The following ZNF704 variants were observed in gnomAD, a reference collection of about 807,000 sequenced individuals.
ZNF704 encodes the protein glucocorticoid induced gene 1.
Under a neutral mutation model 44.7 loss-of-function variants are expected in ZNF704, and 10 were observed. That is an observed-to-expected ratio of 0.22 (90% CI 0.14 to 0.38). ZNF704 has a LOEUF of 0.38. Among genes scored for constraint, ZNF704 ranks in the 10% least tolerant of loss-of-function variants. The probability of loss-of-function intolerance (pLI) is 1.00; values close to 1 mark genes in which losing one functional copy is unlikely to be tolerated. For missense variants in ZNF704, 390 were observed against 545.5 expected (o/e 0.71, Z 2.84); for synonymous variants, 211 against 207.6 (o/e 1.02, Z -0.14).
intron 7 of ZNF704, among the ~76,000 whole-genome samples, chr8:80,659,123 T>C (rs1818058868): frequency 6.6e-6 from 1 of 152,242 alleles, no homozygotes; most frequent in Non-Finnish European, 1.5e-5. Context: ...AGATTATCCA[T>C]CAGCATGGAT....
chr8:80,692,980 C>A (rs1248571439), intron 3 of ZNF704, 24 bp downstream of exon 3: 1 of 1,610,472 alleles, frequency 6.2e-7, no homozygotes, highest in Non-Finnish European at 8.5e-7. Context: ...GGGCCCTTCC[C>A]TAAGTCCCAT....
rs193039727 is a variant in ZNF704, at chr8:80,718,963, C to G, written c.222-25856G>C. Among the ~76,000 whole-genome samples the G allele has an allele frequency of 2.2e-3, 315 of 141,910 alleles. 4 individuals carry two copies. Among genetic ancestry groups the G allele is most frequent in the Admixed American group, 0.018 (272 of 14,952 alleles). The allele number at this position is 141,910 out of a possible 152,430, so 93.1% of individuals were successfully genotyped here. A position where few individuals can be genotyped will look rare whatever the true frequency, so the allele number is the denominator to read the frequency against. ...TTTCTTGCACAGAGTGAGCACTCTA[C>G]ATTTTTTTTCTTTTTTTTTGAGACA... On this transcript the variant is annotated intron_variant, in intron 2 of 8. Coordinates refer to ENST00000327835, the MANE Select transcript of ZNF704 (RefSeq NM_001033723.3).
intron 1 of ZNF704, among the ~76,000 whole-genome samples, chr8:80,828,422 A>G (rs1330158481): frequency 6.6e-6 from 1 of 152,192 alleles, no homozygotes; most frequent in East Asian, 1.9e-4. Flanking sequence ...AAAACCAGTT[A>G]AAGTCCTATT....
At chr8:80,740,045 C>T (rs1227918165) in intron 2 of ZNF704, among the ~76,000 whole-genome samples, 3 of 152,170 alleles carry the variant, frequency 2.0e-5, no homozygotes, top group African/African-American at 7.2e-5. Context: ...CTGGCACGAC[C>T]TTCTCAGTTT....
intron 2 of ZNF704, among the ~76,000 whole-genome samples, chr8:80,720,127 C>A (rs1167870475): frequency 1.3e-5 from 2 of 152,220 alleles, no homozygotes; most frequent in African/African-American, 4.8e-5. Context: ...CTTCCCACTG[C>A]ATTCCCCCTG....
chr8:80,754,473 A>T (rs1807001925), intron 2 of ZNF704, among the ~76,000 whole-genome samples: 2 of 152,240 alleles, frequency 1.3e-5, no homozygotes, highest in African/African-American at 4.8e-5. Flanking sequence ...ATTTCTTAAA[A>T]TTACGAAATG....
intron 6 of ZNF704, among the ~76,000 whole-genome samples, chr8:80,663,586 G>A (rs1269421880): frequency 6.6e-6 from 1 of 152,092 alleles, no homozygotes; most frequent in Admixed American, 6.5e-5. Flanking sequence ...GTTCCCAGGT[G>A]ATGCTGGCAC....
rs73268642 is a variant in ZNF704, at chr8:80,758,481, A to G, written c.221+62893T>C. On this transcript the variant is annotated intron_variant, in intron 2 of 8. Transcript: ENST00000327835. The stretch of plus-strand genomic sequence containing the variant: ...ATACCTCCCTCCTTCTTTGAAAAAA[A>G]CCAACAATGGTTTTGTAGATCTGTT... 4.5e-3 allele frequency among the ~76,000 whole-genome samples: 689 copies of G among 152,344 alleles called. 4 individuals carry two copies. The highest frequency in any genetic ancestry group is 0.015 in the African/African-American group (627 of 41,584).
intron 2 of ZNF704, among the ~76,000 whole-genome samples, chr8:80,699,333 G>A (rs771275942): frequency 1.3e-4 from 19 of 151,894 alleles, no homozygotes; most frequent in Non-Finnish European, 2.2e-4. Context: ...TAACTCTTCC[G>A]AATTAATTTT....
rs150996597 is a variant in ZNF704 at position 80,868,189 on chromosome 8, C to T, written c.-22+6382G>A. 6.4e-3 allele frequency among the ~76,000 whole-genome samples: 972 copies of T among 152,250 alleles called. 12 individuals carry two copies. Among genetic ancestry groups the T allele is most frequent in the Non-Finnish European group, 6.0e-3 (405 of 68,026 alleles). On this transcript the variant is annotated intron_variant, in intron 1 of 8. Coordinates refer to ENST00000327835, the MANE Select transcript of ZNF704 (RefSeq NM_001033723.3). The stretch of plus-strand genomic sequence containing the variant: ...TGGTTTTTTGGTAATGTTCCTTATA[C>T]AGGCGCCCAGGGGTTAGTTGGTGGT...
intron 3 of ZNF704, among the ~76,000 whole-genome samples, chr8:80,690,184 A>C (rs1818608854): frequency 6.6e-6 from 1 of 152,174 alleles, no homozygotes; most frequent in African/African-American, 2.4e-5. Flanking sequence ...TAGTTTTTAA[A>C]CCATAAATGA....
At chr8:80,795,699 C>G (rs1051640210) in intron 2 of ZNF704, among the ~76,000 whole-genome samples, 1 of 120,552 alleles carries the variant, frequency 8.3e-6, no homozygotes, top group Non-Finnish European at 1.7e-5. Flanking sequence ...GCCTGGGCAA[C>G]AAGAGGGGAA....
At chr8:80,647,884 T>G (rs1205985209) in intron 7 of ZNF704, among the ~76,000 whole-genome samples, 1 of 152,180 alleles carries the variant, frequency 6.6e-6, no homozygotes, top group African/African-American at 2.4e-5. Flanking sequence ...ATGGATTGTC[T>G]TCAGCGGTTT....
At chr8:80,661,087 C>G (rs529128117) in intron 6 of ZNF704, among the ~76,000 whole-genome samples, 31 of 152,234 alleles carry the variant, frequency 2.0e-4, no homozygotes, top group Non-Finnish European at 3.2e-4. Flanking sequence ...TGAATTCAAA[C>G]AACTCAATAG....
intron 1 of ZNF704, among the ~76,000 whole-genome samples, chr8:80,864,519 A>G (rs552813944): frequency 2.0e-4 from 31 of 152,264 alleles, no homozygotes; most frequent in African/African-American, 7.2e-4. Context: ...GAAATATTTT[A>G]TAAAATAAAA....
At chr8:80,793,307 C>G (rs939600754) in intron 2 of ZNF704, among the ~76,000 whole-genome samples, 122 of 151,972 alleles carry the variant, frequency 8.0e-4, no homozygotes, top group African/African-American at 2.9e-3. Flanking sequence ...CTGGAGAACA[C>G]CAAGTATTGA....
At chr8:80,645,037 G>C in intron 7 of ZNF704, 1 of 1,317,246 alleles carries the variant, frequency 7.6e-7, no homozygotes. Flanking sequence ...TGAATGCCAA[G>C]ATTCCTCCAT....
At chr8:80,804,160 TAA>T (rs1398394253) in intron 2 of ZNF704, among the ~76,000 whole-genome samples, 1 of 152,050 alleles carries the variant, frequency 6.6e-6, no homozygotes, top group Non-Finnish European at 1.5e-5. Context: ...GAATGGCTAT[TAA>T]AAAGTTAAAG....
At chr8:80,856,350 G>A (rs1427697491) in intron 1 of ZNF704, among the ~76,000 whole-genome samples, 1 of 151,926 alleles carries the variant, frequency 6.6e-6, no homozygotes, top group Non-Finnish European at 1.5e-5. Flanking sequence ...TTTGTTTAAA[G>A]GAAAATGCTA....
Sources: allele counts gnomAD v4.1 joint callset (sites outside exome capture counted in the v4.1 genomes callset), GRCh38; gene constraint gnomAD v4.1.1; transcripts MANE v1.5; gene names NCBI Gene and HGNC (gene_info 2026-07-23, HGNC 2026-07-21).